The following KHDRBS2 variants were observed in gnomAD, a reference collection of about 807,000 sequenced individuals.
KHDRBS2 encodes the protein KH RNA binding domain containing, signal transduction associated 2.
In KHDRBS2, 26 loss-of-function variants were observed where a neutral mutation model predicts 44.3. The ratio of observed to expected loss-of-function variants is 0.59; its 90% CI spans 0.43 to 0.81. KHDRBS2 has a LOEUF of 0.81. Ranked by LOEUF, KHDRBS2 falls within the 40% of genes least tolerant of loss-of-function variation. KHDRBS2 has a pLI of 0.00. For missense variants in KHDRBS2, 476 were observed against 433.1 expected (o/e 1.10, Z -0.88); for synonymous variants, 194 against 151.1 (o/e 1.28, Z -2.08).
intron 1 of KHDRBS2, among the ~76,000 whole-genome samples, chr6:62,231,503 T>C (rs961555548): frequency 6.6e-6 from 1 of 152,128 alleles, no homozygotes; most frequent in African/African-American, 2.4e-5. Context: ...TAGAGGTCCT[T>C]TCCTTGACAC....
chr6:61,732,606 T>C (rs532843365), intron 7 of KHDRBS2, 76 bp downstream of exon 7: 13 of 834,816 alleles, frequency 1.6e-5, no homozygotes, highest in Non-Finnish European at 2.7e-5. Flanking sequence ...CATGATATAA[T>C]TGACATTCAG....
At chr6:61,550,707 C>A in the KHDRBS2 span, among the ~76,000 whole-genome samples, 6 of 151,420 alleles carry the variant, frequency 4.0e-5, no homozygotes, top group Admixed American at 1.3e-4. Context: ...ACAACCCCTC[C>A]AGCACATATT....
intron 6 of KHDRBS2, among the ~76,000 whole-genome samples, chr6:61,874,948 A>C (rs1445051335): frequency 2.6e-5 from 4 of 152,122 alleles, no homozygotes; most frequent in Non-Finnish European, 5.9e-5. Flanking sequence ...CTTATTTGCA[A>C]AACAATATAG....
the KHDRBS2 span, among the ~76,000 whole-genome samples, chr6:61,665,075 C>A: frequency 1.9e-4 from 29 of 151,422 alleles, no homozygotes; most frequent in African/African-American, 6.3e-4. Flanking sequence ...TTTGATGTTA[C>A]ATAAAAATTT....
chr6:61,582,729 G>A, the KHDRBS2 span, among the ~76,000 whole-genome samples: 1 of 151,480 alleles, frequency 6.6e-6, no homozygotes, highest in Non-Finnish European at 1.5e-5. Context: ...TAGAAGCACA[G>A]AGATAAATTT....
intron 2 of KHDRBS2, among the ~76,000 whole-genome samples, chr6:62,146,418 T>TA (rs2150102112): frequency 6.6e-6 from 1 of 151,776 alleles, no homozygotes; most frequent in South Asian, 2.1e-4. Context: ...TACTATTCCT[T>TA]ACCTCATTAA....
chr6:61,545,742 A>T, the KHDRBS2 span, among the ~76,000 whole-genome samples: 1 of 151,986 alleles, frequency 6.6e-6, no homozygotes, highest in African/African-American at 2.4e-5. Flanking sequence ...GAGTGAGTGT[A>T]TTTGGAGTCT....
intron 2 of KHDRBS2, among the ~76,000 whole-genome samples, chr6:62,137,638 T>A (rs1019078221): frequency 6.6e-6 from 1 of 152,178 alleles, no homozygotes; most frequent in Non-Finnish European, 1.5e-5. Flanking sequence ...AAAGAGCCAC[T>A]GCTTTCTACC....
Position 61,869,977 on chromosome 6 carries a change from T to TGTTTG in KHDRBS2, c.810+24657_810+24658insCAAAC, listed in dbSNP as rs1562339447. ...AGCTGCAGGAGTGTTTTTTTTTTTT[T>TGTTTG]TTTTTTTTTTCCCCATACTACAGTG... On this transcript the variant is annotated intron_variant, in intron 6 of 8. Coordinates refer to ENST00000281156, the MANE Select transcript of KHDRBS2 (RefSeq NM_152688.4). 4.7e-5 allele frequency among the ~76,000 whole-genome samples: 7 copies of TGTTTG among 149,876 alleles called. 1 individual carries two copies. Among genetic ancestry groups the TGTTTG allele is most frequent in the Non-Finnish European group, 5.9e-5 (4 of 67,554 alleles).
At chr6:62,093,934 TTA>T (rs2127366311) in intron 2 of KHDRBS2, among the ~76,000 whole-genome samples, 1 of 150,940 alleles carries the variant, frequency 6.6e-6, no homozygotes, top group South Asian at 2.1e-4. Context: ...TGATAGACAT[TTA>T]TGTTTGTTCA....
chr6:62,255,640 ACACACACACACACAC>A, intron 1 of KHDRBS2, among the ~76,000 whole-genome samples: 1 of 149,376 alleles, frequency 6.7e-6, no homozygotes, highest in Non-Finnish European at 1.5e-5. Context: ...ACACACACAC[ACACACACACACACAC>A]AATGTAGAAA....
In KHDRBS2 at chr6:61,797,777, C is replaced by T. The variant is rs941170131; in HGVS notation, c.811-65013G>A. On this transcript the variant is annotated intron_variant, in intron 6 of 8. Coordinates refer to ENST00000281156, the MANE Select transcript of KHDRBS2 (RefSeq NM_152688.4). ...TGTGTGTGTGTGTATGTATATATAT[C>T]GTATATAATTTATATATTATATTGA... Among the ~76,000 whole-genome samples, 154 of 147,200 alleles carry T rather than the reference C, an allele frequency of 1.0e-3. 1 individual carries two copies. Among genetic ancestry groups the T allele is most frequent in the African/African-American group, 3.6e-3 (142 of 39,880 alleles).
intron 6 of KHDRBS2, among the ~76,000 whole-genome samples, chr6:61,858,749 T>G (rs569399590): frequency 4.6e-5 from 7 of 152,062 alleles, no homozygotes; most frequent in African/African-American, 1.7e-4. Context: ...AAAAATTGAA[T>G]TAAATTTTTA....
At chr6:61,910,034 T>C (rs1201259065) in intron 4 of KHDRBS2, among the ~76,000 whole-genome samples, 1 of 152,216 alleles carries the variant, frequency 6.6e-6, no homozygotes, top group Non-Finnish European at 1.5e-5. Context: ...TTAGCCTTTC[T>C]GGGCCATGAC....
chr6:61,580,919 A>T, the KHDRBS2 span, among the ~76,000 whole-genome samples: 1 of 152,208 alleles, frequency 6.6e-6, no homozygotes, highest in Non-Finnish European at 1.5e-5. Context: ...AATTCCAGAC[A>T]CAAAAGTACA....
intron 2 of KHDRBS2, among the ~76,000 whole-genome samples, chr6:62,112,737 A>G (rs530105210): frequency 2.9e-4 from 44 of 152,298 alleles, no homozygotes; most frequent in African/African-American, 9.9e-4. Context: ...TTGTGGTGAC[A>G]AACAGGAATA....
rs527389994 is a variant in KHDRBS2, at chr6:62,011,942, C to G, written c.337-33730G>C. 3.9e-5 allele frequency among the ~76,000 whole-genome samples: 6 copies of G among 152,238 alleles called. No individual in the cohort carries two copies. The South Asian group carries it at 6.2e-4, about 16-fold the overall frequency. ...GCACAGATTTTAAGTGACTTAGGAACAGATTTAGGGGCATATTTACATACA... is the reference window on the plus strand; with the variant it reads ...GCACAGATTTTAAGTGACTTAGGAAGAGATTTAGGGGCATATTTACATACA... On this transcript the variant is annotated intron_variant, in intron 3 of 8. Coordinates refer to ENST00000281156, the MANE Select transcript of KHDRBS2 (RefSeq NM_152688.4).
At chr6:62,094,336 CATTT>C (rs1800115468) in intron 2 of KHDRBS2, among the ~76,000 whole-genome samples, 2 of 151,744 alleles carry the variant, frequency 1.3e-5, no homozygotes, top group African/African-American at 4.8e-5. Context: ...TGTATGTCTT[CATTT>C]GAGAAATCTC....
chr6:61,958,413 A>G (rs932843889), intron 4 of KHDRBS2, among the ~76,000 whole-genome samples: 19 of 152,196 alleles, frequency 1.2e-4, no homozygotes, highest in Non-Finnish European at 2.4e-4. Flanking sequence ...AGAGAAAGCC[A>G]TTTGGCCACC....
Sources: gnomAD v4.1 joint callset for allele counts (sites outside exome capture counted in the v4.1 genomes callset) on GRCh38, gnomAD v4.1.1 for gene constraint, MANE v1.5 for transcripts, NCBI Gene and HGNC (gene_info 2026-07-23, HGNC 2026-07-21) for gene names.